The following GPR141 variants were observed in gnomAD, a reference collection of about 807,000 sequenced individuals.
GPR141 encodes probable G protein-coupled receptor 141.
A neutral mutation model predicts 6.8 loss-of-function variants in GPR141; 6 were observed. The observed-to-expected ratio is 0.88, with a 90% CI of 0.48 to 1.74. The LOEUF is 1.74. Ranked by LOEUF, GPR141 falls within the 40% of genes most tolerant of loss-of-function variation. The pLI is 0.01. For missense variants in GPR141, 372 were observed against 372.9 expected (o/e 1.00, Z 0.02); for synonymous variants, 140 against 142.3 (o/e 0.98, Z 0.11).
At chr7:37,726,504 G>A (rs1320742917) in intron 2 of GPR141, among the ~76,000 whole-genome samples, 1 of 152,038 alleles carries the variant, frequency 6.6e-6, no homozygotes, top group Non-Finnish European at 1.5e-5. Context: ...TTTAAATTTA[G>A]AAATAATTTT....
intron 2 of GPR141, among the ~76,000 whole-genome samples, chr7:37,710,100 C>T (rs1041125992): frequency 6.6e-6 from 1 of 152,156 alleles, no homozygotes; most frequent in Non-Finnish European, 1.5e-5. Flanking sequence ...CCACAGGCAA[C>T]ATTTCCTTTT....
At chr7:37,697,441 C>G (rs989448730) in intron 2 of GPR141, among the ~76,000 whole-genome samples, 4 of 152,080 alleles carry the variant, frequency 2.6e-5, no homozygotes, top group Non-Finnish European at 4.4e-5. Flanking sequence ...AACTTTAAAG[C>G]CTTATAATAC....
chr7:37,723,583 C>T (rs548602343), intron 2 of GPR141, among the ~76,000 whole-genome samples: 1 of 152,276 alleles, frequency 6.6e-6, no homozygotes, highest in Admixed American at 6.5e-5. Context: ...CCTATTCTTG[C>T]TCTATCACAT....
chr7:37,740,884 A>T lies in GPR141; in HGVS notation c.491A>T (p.Glu164Val). 6.2e-7 allele frequency: 1 copy of T among 1,614,066 alleles called. No individual in the cohort carries two copies. The highest frequency in any genetic ancestry group is 8.5e-7 in the Non-Finnish European group (1 of 1,179,928). The change falls in exon 3 of 3, where the codon GAG becomes GTG. Residue 164 changes from glutamate (E) to valine (V), a missense_variant. By Grantham distance (121) the Glu-to-Val change is moderately radical. Coordinates refer to ENST00000334425, the MANE Select transcript of GPR141 (RefSeq NM_001381946.1). ...RYGIHEEYNE[E>V]HCFKFHKELA... Reference sequence around the variant, plus strand: ...GGAATCCATGAGGAATACAATGAGGAGCACTGTTTTAAATTTCACAAAGAG... The same window carrying T: ...GGAATCCATGAGGAATACAATGAGGTGCACTGTTTTAAATTTCACAAAGAG...
In GPR141 at chr7:37,741,618, T is replaced by G. The variant is rs115474305; in HGVS notation, c.*307T>G. 1.6e-3 allele frequency among the ~76,000 whole-genome samples: 237 copies of G among 152,322 alleles called. 1 individual carries two copies. Among genetic ancestry groups the G allele is most frequent in the African/African-American group, 5.6e-3 (233 of 41,568 alleles). ...GGTTTTAAGAGTTTTAGAGTTTCAT[T>G]AGCTCATTCTAAGTTCCTCTGTTTG... On this transcript the variant is annotated 3_prime_UTR_variant, in exon 3 of 3. Transcript: ENST00000334425.
At chr7:37,713,879 A>G (rs1331458794) in intron 2 of GPR141, among the ~76,000 whole-genome samples, 2 of 152,214 alleles carry the variant, frequency 1.3e-5, no homozygotes, top group African/African-American at 4.8e-5. Context: ...TTACAACAAT[A>G]CTGCAGTATT....
At chr7:37,717,514 G>A (rs761205664) in intron 2 of GPR141, among the ~76,000 whole-genome samples, 2 of 152,138 alleles carry the variant, frequency 1.3e-5, no homozygotes, top group Non-Finnish European at 2.9e-5. Context: ...TTCCATATCA[G>A]TGCCTGCCTT....
intron 2 of GPR141, among the ~76,000 whole-genome samples, chr7:37,687,833 G>A (rs974341526): frequency 2.6e-5 from 4 of 152,082 alleles, no homozygotes; most frequent in East Asian, 3.8e-4. Context: ...ACTCCAAAAC[G>A]TGGTCAAGAC....
intron 2 of GPR141, among the ~76,000 whole-genome samples, chr7:37,691,368 C>G (rs1416480203): frequency 6.9e-6 from 1 of 144,902 alleles, no homozygotes; most frequent in East Asian, 2.1e-4. Flanking sequence ...CATCTTGGCT[C>G]ACTGCAACCT....
In GPR141 at chr7:37,715,627, C is replaced by G. The variant is rs962499029; in HGVS notation, c.-14-24753C>G. The stretch of plus-strand genomic sequence containing the variant: ...TTTTGATAATGCAAACTGCATAGAT[C>G]TCTAATTTAGCTTTTTTGGTTGTCA... On this transcript the variant is annotated intron_variant, in intron 2 of 2. Coordinates refer to ENST00000334425, the MANE Select transcript of GPR141 (RefSeq NM_001381946.1). Among the ~76,000 whole-genome samples, 45 of 152,130 alleles carry G rather than the reference C, an allele frequency of 3.0e-4. 2 individuals carry two copies. Among genetic ancestry groups the G allele is most frequent in the Non-Finnish European group, 4.4e-5 (3 of 68,020 alleles).
In GPR141 at chr7:37,701,221, G is replaced by C. The variant is rs1384502856; in HGVS notation, c.-15+15638G>C. ...GAAAATGTATGATTATTTTTCCTAA[G>C]TCTCTTTCTTTCTCCAGTACCTCAT... is the stretch of plus-strand genomic sequence containing the variant. On this transcript the variant is annotated intron_variant, in intron 2 of 2. Coordinates refer to ENST00000334425, the MANE Select transcript of GPR141 (RefSeq NM_001381946.1). 3.3e-5 allele frequency among the ~76,000 whole-genome samples: 5 copies of C among 152,132 alleles called. No homozygotes were observed. The East Asian group carries it at 7.7e-4, about 23-fold the overall frequency.
intron 2 of GPR141, among the ~76,000 whole-genome samples, chr7:37,689,503 G>A (rs1809661488): frequency 6.6e-6 from 1 of 152,080 alleles, no homozygotes; most frequent in African/African-American, 2.4e-5. Flanking sequence ...GGGTTCAGCA[G>A]CAAAGTCATG....
intron 2 of GPR141, among the ~76,000 whole-genome samples, chr7:37,715,863 A>G (rs1811024147): frequency 6.6e-6 from 1 of 152,156 alleles, no homozygotes; most frequent in Non-Finnish European, 1.5e-5. Context: ...ACCTAAAACA[A>G]GAGAATTTGC....
At chr7:37,730,350 A>G (rs1432185537) in intron 2 of GPR141, among the ~76,000 whole-genome samples, 3 of 152,214 alleles carry the variant, frequency 2.0e-5, no homozygotes, top group Non-Finnish European at 2.9e-5. Context: ...AGTGTATCTC[A>G]AACAGTCTAT....
At chr7:37,689,730 G>A (rs1481219169) in intron 2 of GPR141, among the ~76,000 whole-genome samples, 2 of 151,658 alleles carry the variant, frequency 1.3e-5, no homozygotes, top group Non-Finnish European at 2.9e-5. Context: ...TAAAATTTCT[G>A]TGCTATTAAT....
At chr7:37,716,350 A>G (rs1005882221) in intron 2 of GPR141, among the ~76,000 whole-genome samples, 1 of 152,200 alleles carries the variant, frequency 6.6e-6, no homozygotes, top group Non-Finnish European at 1.5e-5. Context: ...GAGAAGGAGA[A>G]TTACTTTTTG....
chr7:37,732,123 TCTC>T (rs955756119), intron 2 of GPR141, among the ~76,000 whole-genome samples: 1 of 148,386 alleles, frequency 6.7e-6, no homozygotes, highest in South Asian at 2.1e-4. Flanking sequence ...CTTTCTAACT[TCTC>T]CTTTTCTTTC....
chr7:37,705,987 A>G (rs1338381023), intron 2 of GPR141, among the ~76,000 whole-genome samples: 1 of 152,190 alleles, frequency 6.6e-6, no homozygotes, highest in African/African-American at 2.4e-5. Flanking sequence ...CTCCTGTTCC[A>G]GAAATCAGGA....
At chr7:37,739,303 A>G (rs1410649523) in intron 2 of GPR141, among the ~76,000 whole-genome samples, 11 of 152,238 alleles carry the variant, frequency 7.2e-5, no homozygotes, top group Non-Finnish European at 1.5e-4. Context: ...GTCAGTAGAC[A>G]TACCTCTAAT....
Sources: allele counts gnomAD v4.1 joint callset (sites outside exome capture counted in the v4.1 genomes callset), GRCh38; gene constraint gnomAD v4.1.1; transcripts MANE v1.5; gene names NCBI Gene and HGNC (gene_info 2026-07-23, HGNC 2026-07-21).